LIMD1: variants seen among roughly 807,000 people sequenced by gnomAD.
LIMD1 encodes the protein LIM domain-containing protein 1.
A neutral mutation model predicts 58.4 loss-of-function variants in LIMD1; 23 were observed. The ratio of observed to expected loss-of-function variants is 0.39; its 90% CI spans 0.28 to 0.56. LIMD1 has a LOEUF of 0.56. LIMD1 is among the 20% of genes least tolerant of loss of function. LIMD1 has a pLI of 0.57. For missense variants in LIMD1, 838 were observed against 855.5 expected, an observed-to-expected ratio of 0.98 and a Z score of 0.25; for synonymous variants, 334 against 345.5, an observed-to-expected ratio of 0.97 and a Z score of 0.37.
chr3:45,670,885 A>G (rs192052997), intron 4 of LIMD1, among the ~76,000 whole-genome samples: 15 of 152,288 alleles, frequency 9.8e-5, no homozygotes, highest in African/African-American at 2.6e-4. Context: ...TTGTCTCTCT[A>G]TATACCCTTT....
At chr3:45,643,599 C>T (rs1701870091) in intron 2 of LIMD1, among the ~76,000 whole-genome samples, 3 of 152,128 alleles carry the variant, frequency 2.0e-5, no homozygotes, top group Non-Finnish European at 4.4e-5. Context: ...TAAACAAATT[C>T]CATCCTACTT....
Position 45,681,347 on chromosome 3 carries a change from CT to C in LIMD1, c.*4290del, listed in dbSNP as rs2125673014. 6.6e-6 allele frequency: 1 copy of C among 152,298 alleles called. No homozygotes were observed. Among genetic ancestry groups the C allele is most frequent in the South Asian group, 2.1e-4 (1 of 4,824 alleles). 9.4% of individuals were successfully genotyped at this position (152,298 alleles called of 1,614,324 possible). ...TTGTCTTCTTTTACAGCTCTGGATT[CT>C]TAAAAGTACCACATAGGTAGCAAAC... On this transcript the variant is annotated 3_prime_UTR_variant, in exon 8 of 8. Transcript: ENST00000273317.
chr3:45,643,988 C>A (rs1701875230), intron 2 of LIMD1, among the ~76,000 whole-genome samples: 1 of 152,194 alleles, frequency 6.6e-6, no homozygotes, highest in African/African-American at 2.4e-5. Context: ...GCTCATTTCA[C>A]CTTCCAAAAA....
chr3:45,651,341 G>T (rs1701972900), intron 2 of LIMD1, among the ~76,000 whole-genome samples: 1 of 152,236 alleles, frequency 6.6e-6, no homozygotes, highest in South Asian at 2.1e-4. Flanking sequence ...AGTTTAATTA[G>T]ATCCCATTTG....
intron 1 of LIMD1, among the ~76,000 whole-genome samples, chr3:45,624,266 G>T (rs1156452902): frequency 7.2e-5 from 11 of 151,804 alleles, no homozygotes; most frequent in Admixed American, 7.2e-4. Flanking sequence ...GATCTTGCAT[G>T]ATGTCTGGTG....
intron 1 of LIMD1, among the ~76,000 whole-genome samples, chr3:45,626,737 GATA>G (rs1237054028): frequency 1.3e-5 from 2 of 152,058 alleles, no homozygotes; most frequent in Non-Finnish European, 2.9e-5. Flanking sequence ...GACTTCGGGT[GATA>G]ATGATGTGTC....
chr3:45,656,413 T>C (rs1245183591), intron 2 of LIMD1, among the ~76,000 whole-genome samples: 1 of 150,834 alleles, frequency 6.6e-6, no homozygotes, highest in Non-Finnish European at 1.5e-5. Flanking sequence ...AACTTTTAGC[T>C]ACATAGGTGA....
intron 1 of LIMD1, among the ~76,000 whole-genome samples, chr3:45,615,723 T>C (rs2125652387): frequency 6.6e-6 from 1 of 151,720 alleles, no homozygotes; most frequent in East Asian, 1.9e-4. Flanking sequence ...GCCTGTGTAC[T>C]CCAACCTGGG....
intron 1 of LIMD1, chr3:45,632,532 C>T: frequency 1.0e-6 from 1 of 985,218 alleles, no homozygotes; most frequent in Non-Finnish European, 1.2e-6. Context: ...CATGTGTGCC[C>T]AAGATACAAG....
At chr3:45,622,398 A>G (rs918983095) in intron 1 of LIMD1, among the ~76,000 whole-genome samples, 1 of 152,214 alleles carries the variant, frequency 6.6e-6, no homozygotes, top group South Asian at 2.1e-4. Context: ...AACCCTATAC[A>G]CACTGTGACT....
In LIMD1 at chr3:45,595,683, C is replaced by G. The variant is rs776698650; in HGVS notation, c.804C>G (p.Ser268=). The change falls in exon 1 of 8, where the codon TCC becomes TCG. Residue 268 remains serine, a synonymous_variant. Transcript: ENST00000273317. ...CAGGCCTTTGGTCCACTGCCTCCTC[C>G]CAGCGGGTGAGCCCTGGCCTGCCTT... ...KPTGLWSTAS[S]QRVSPGLPSP... The G allele has an allele frequency of 6.2e-6, 10 of 1,614,194 alleles. No homozygotes were observed. The highest frequency in any genetic ancestry group is 1.3e-5 in the African/African-American group (1 of 75,066).
In LIMD1 at chr3:45,677,095, G is replaced by A; in HGVS notation, c.*36G>A. 1.2e-6 allele frequency: 2 copies of A among 1,601,374 alleles called. No individual in the cohort carries two copies. Among genetic ancestry groups the A allele is most frequent in the Non-Finnish European group, 1.7e-6 (2 of 1,172,798 alleles). On this transcript the variant is annotated 3_prime_UTR_variant, in exon 8 of 8. Transcript: ENST00000273317. Reference sequence around the variant, plus strand: ...TTGCAGACATCACGGCAGGGGATGAGGAGCCGGGGTTGCTGCTGCTGCTTC... The same window carrying A: ...TTGCAGACATCACGGCAGGGGATGAAGAGCCGGGGTTGCTGCTGCTGCTTC...
chr3:45,604,929 A>G (rs570224836), intron 1 of LIMD1, among the ~76,000 whole-genome samples: 1 of 152,368 alleles, frequency 6.6e-6, no homozygotes, highest in South Asian at 2.1e-4. Flanking sequence ...AGTCCAGAAC[A>G]TGAAACGGTT....
chr3:45,665,417 C>A (rs1489293629), intron 2 of LIMD1, among the ~76,000 whole-genome samples: 1 of 151,950 alleles, frequency 6.6e-6, no homozygotes, highest in Non-Finnish European at 1.5e-5. Flanking sequence ...CCAAGTCAGC[C>A]CTTGAGTCTT....
intron 1 of LIMD1, among the ~76,000 whole-genome samples, chr3:45,598,426 T>C (rs999808100): frequency 2.6e-5 from 4 of 152,234 alleles, no homozygotes; most frequent in Admixed American, 1.3e-4. Flanking sequence ...AACAGCAGTT[T>C]TATCTTGAGA....
At chr3:45,637,722 A>G (rs569118287) in intron 2 of LIMD1, among the ~76,000 whole-genome samples, 1 of 150,490 alleles carries the variant, frequency 6.6e-6, no homozygotes, top group Non-Finnish European at 1.5e-5. Flanking sequence ...AGAGATCCTA[A>G]TTCCCAGTAT....
At chr3:45,627,889 T>C (rs957133671) in intron 1 of LIMD1, among the ~76,000 whole-genome samples, 6 of 151,310 alleles carry the variant, frequency 4.0e-5, no homozygotes, top group African/African-American at 1.5e-4. Context: ...ACGCCTGTAG[T>C]CCCAGCTACT....
intron 2 of LIMD1, among the ~76,000 whole-genome samples, chr3:45,645,984 C>T (rs893411799): frequency 1.1e-4 from 16 of 150,048 alleles, no homozygotes; most frequent in Non-Finnish European, 1.9e-4. Context: ...GAGCCGTGAT[C>T]GTGCCACTGC....
intron 1 of LIMD1, among the ~76,000 whole-genome samples, chr3:45,627,609 A>G (rs1197130593): frequency 6.6e-6 from 1 of 150,820 alleles, no homozygotes; most frequent in African/African-American, 2.4e-5. Flanking sequence ...TGGTCAACAT[A>G]GCGAGAACCC....
Sources: allele counts gnomAD v4.1 joint callset (sites outside exome capture counted in the v4.1 genomes callset), GRCh38; gene constraint gnomAD v4.1.1; transcripts MANE v1.5; gene names NCBI Gene and HGNC (gene_info 2026-07-23, HGNC 2026-07-21).